Variants in SNX19 observed in about 807,000 individuals in gnomAD.
The protein encoded by SNX19 is sorting nexin 19, also known as sorting nexin-19.
Under a neutral mutation model 85.2 loss-of-function variants are expected in SNX19, and 60 were observed. The ratio of observed to expected loss-of-function variants is 0.70; its 90% CI spans 0.57 to 0.87. The LOEUF is 0.87. SNX19 is among the 40% of genes least tolerant of loss of function. The probability of loss-of-function intolerance (pLI) is 0.00; values close to 1 mark genes in which losing one functional copy is unlikely to be tolerated. For missense variants in SNX19, 1,201 were observed against 1,217.8 expected (o/e 0.99, Z 0.21); for synonymous variants, 520 against 470.0 (o/e 1.11, Z -1.38).
At chr11:130,903,750 C>T (rs201406885) in intron 7 of SNX19, among the ~76,000 whole-genome samples, 9 of 146,676 alleles carry the variant, frequency 6.1e-5, no homozygotes, top group South Asian at 4.4e-4. Context: ...CACACACACA[C>T]GCACTTATTT....
intron 8 of SNX19, among the ~76,000 whole-genome samples, chr11:130,882,511 G>GT (rs1368585256): frequency 6.6e-6 from 1 of 152,234 alleles, no homozygotes; most frequent in African/African-American, 2.4e-5. Flanking sequence ...AGTGTGTAAG[G>GT]TAATAGCAGG....
chr11:130,911,414 G>A (rs1946113608), intron 2 of SNX19: 3 of 1,320,968 alleles, frequency 2.3e-6, no homozygotes, highest in African/African-American at 1.5e-5. Context: ...AAACTAGATG[G>A]GGCTCCAGAA....
At position 130,916,116 on chromosome 11, in the gene SNX19, G is replaced by A; in HGVS notation, c.-177C>T. ...ACTGCAAAGCGACAGCTGCAGCTCC[G>A]CGTCTCCCCATGGCTACCACTAACA... On this transcript the variant is annotated 5_prime_UTR_variant, in exon 1 of 11. Coordinates refer to ENST00000265909, the MANE Select transcript of SNX19 (RefSeq NM_014758.3). 6.6e-6 allele frequency: 4 copies of A among 610,376 alleles called. No homozygotes were observed. Among genetic ancestry groups the A allele is most frequent in the Admixed American group, 3.0e-5 (1 of 33,894 alleles). 37.8% of individuals were successfully genotyped at this position (610,376 alleles called of 1,614,324 possible).
chr11:130,894,811 A>C, intron 8 of SNX19: 1 of 985,418 alleles, frequency 1.0e-6, no homozygotes, highest in Non-Finnish European at 1.2e-6. Flanking sequence ...AGCCTAAACC[A>C]GTCTAAATGA....
At chr11:130,901,498 A>G (rs921991027) in intron 8 of SNX19, among the ~76,000 whole-genome samples, 1 of 152,222 alleles carries the variant, frequency 6.6e-6, no homozygotes, top group Admixed American at 6.5e-5. Flanking sequence ...GAACAGGGAA[A>G]TAACAGGTAG....
rs761051640 is a variant in SNX19 at position 130,880,824 on chromosome 11, C to T, written c.2574-18G>A. 32 of 1,528,214 alleles carry T rather than the reference C, an allele frequency of 2.1e-5. No homozygotes were observed. The highest frequency in any genetic ancestry group is 2.1e-4 in the East Asian group (9 of 43,438). 94.7% of individuals were successfully genotyped at this position (1,528,214 alleles called of 1,614,324 possible). ...CTAGCCACCTGTGGTAGAAGAGAGA[C>T]GAAAGCTTAGATAAAGCTGAAGGAA... On this transcript the variant is annotated intron_variant, in intron 8 of 10. Coordinates refer to ENST00000265909, the MANE Select transcript of SNX19 (RefSeq NM_014758.3).
chr11:130,909,319 CTATTT>C (rs1438459913), intron 4 of SNX19, among the ~76,000 whole-genome samples: 4 of 152,204 alleles, frequency 2.6e-5, no homozygotes, highest in African/African-American at 9.6e-5. Context: ...ACATGAAATT[CTATTT>C]TATTTGTTGC....
rs374141214 is a variant in SNX19 at position 130,914,725 on chromosome 11, T to C, written c.1215A>G (p.Leu405=). The change falls in exon 1 of 11, where the codon CTA becomes CTG. Residue 405 remains leucine, a synonymous_variant. Transcript: ENST00000265909. ...SDRIQDALCA[L]ESSQALEPKD... is the part of the protein sequence containing the mutation. ...TGGGTTCCAGAGCCTGGGAACTCTC[T>C]AGGGCACACAGGGCATCCTGAATCC... 6.3e-5 allele frequency: 101 copies of C among 1,614,094 alleles called. No homozygotes were observed. The African/African-American group carries it at 1.1e-3, about 17-fold the overall frequency.
intron 8 of SNX19, among the ~76,000 whole-genome samples, chr11:130,885,831 T>A (rs1049428856): frequency 2.0e-5 from 3 of 152,224 alleles, no homozygotes; most frequent in African/African-American, 7.2e-5. Context: ...AGTTAAAGCT[T>A]CTATCATCCT....
At position 130,878,102 on chromosome 11, in the gene SNX19, C is replaced by T. The variant is rs1943370702; in HGVS notation, c.*320G>A. On this transcript the variant is annotated 3_prime_UTR_variant, in exon 11 of 11. Coordinates refer to ENST00000265909, the MANE Select transcript of SNX19 (RefSeq NM_014758.3). ...GGGCCAGGATTCTGGCAAACAATCTCAGGGAGGATGGCAAAAGGAGAAGCA... is the reference window on the plus strand; with the variant it reads ...GGGCCAGGATTCTGGCAAACAATCTTAGGGAGGATGGCAAAAGGAGAAGCA... 1 of 204,790 alleles carries T rather than the reference C, an allele frequency of 4.9e-6. No homozygotes were observed. The highest frequency in any genetic ancestry group is 2.3e-5 in the African/African-American group (1 of 44,036). 12.7% of individuals were successfully genotyped at this position (204,790 alleles called of 1,614,324 possible).
chr11:130,909,182 C>T (rs1395128558), intron 4 of SNX19, among the ~76,000 whole-genome samples: 1 of 152,176 alleles, frequency 6.6e-6, no homozygotes, highest in African/African-American at 2.4e-5. Context: ...TGAAAACAGG[C>T]ATCCAGTAAG....
At chr11:130,883,205 T>C (rs1943807486) in intron 8 of SNX19, among the ~76,000 whole-genome samples, 1 of 152,096 alleles carries the variant, frequency 6.6e-6, no homozygotes. Flanking sequence ...TAAATGGAAA[T>C]GTTGGGGAGA....
chr11:130,884,602 T>C (rs1943911370), intron 8 of SNX19, among the ~76,000 whole-genome samples: 1 of 152,144 alleles, frequency 6.6e-6, no homozygotes, highest in African/African-American at 2.4e-5. Context: ...GCATAGTGGC[T>C]CACACCTGTA....
chr11:130,903,195 T>C (rs1262796654), intron 8 of SNX19, 60 bp downstream of exon 8: 3 of 1,605,922 alleles, frequency 1.9e-6, no homozygotes, highest in Non-Finnish European at 2.6e-6. Flanking sequence ...CTATTCAGCA[T>C]CACATCCACC....
At position 130,893,225 on chromosome 11, in the gene SNX19, G is replaced by A. The variant is rs185434843; in HGVS notation, c.2573+10030C>T. Among the ~76,000 whole-genome samples, 276 of 152,264 alleles carry A rather than the reference G, an allele frequency of 1.8e-3. 3 individuals carry two copies. In the Middle Eastern group the frequency reaches 0.027, roughly 15 times the overall value. On this transcript the variant is annotated intron_variant, in intron 8 of 10. Coordinates refer to ENST00000265909, the MANE Select transcript of SNX19 (RefSeq NM_014758.3). ...GATAAGTAATTATGTGCTCGCAGAA[G>A]GGGCTGACCTCCAAATTTCTGCAAA...
In SNX19 at chr11:130,878,573, A is replaced by T. The variant is rs1427235525; in HGVS notation, c.2847-19T>A. The T allele has an allele frequency of 1.2e-6, 2 of 1,611,246 alleles. No homozygotes were observed. The highest frequency in any genetic ancestry group is 1.7e-6 in the Non-Finnish European group (2 of 1,178,700). On this transcript the variant is annotated intron_variant, in intron 10 of 10. Transcript: ENST00000265909. ...CAAATGCCTGAAACGAATGGACAAAAAACTTAGGGTCTGGCTCAATCAGGA... is the reference window on the plus strand; with the variant it reads ...CAAATGCCTGAAACGAATGGACAAATAACTTAGGGTCTGGCTCAATCAGGA...
At position 130,875,146 on chromosome 11, in the gene SNX19, G is replaced by T. The variant is rs538946061; in HGVS notation, c.*3276C>A. Reference sequence around the variant, plus strand: ...CTCAATGAATGAACAAAGAAAATGTGGCATAGCCATACAATGGAATGTTTT... The same window carrying T: ...CTCAATGAATGAACAAAGAAAATGTTGCATAGCCATACAATGGAATGTTTT... On this transcript the variant is annotated 3_prime_UTR_variant, in exon 11 of 11. Transcript: ENST00000265909. Among the ~76,000 whole-genome samples the T allele has an allele frequency of 6.6e-6, 1 of 152,300 alleles. No homozygotes were observed. Among genetic ancestry groups the T allele is most frequent in the South Asian group, 2.1e-4 (1 of 4,828 alleles).
chr11:130,869,529 G>A lies in SNX19; in HGVS notation c.*8893C>T, dbSNP rs186027716. 2.5e-4 allele frequency: 38 copies of A among 152,286 alleles called. No homozygotes were observed. The highest frequency in any genetic ancestry group is 8.7e-4 in the African/African-American group (36 of 41,574). 9.4% of individuals were successfully genotyped at this position (152,286 alleles called of 1,614,324 possible). A position where few individuals can be genotyped will look rare whatever the true frequency, so the allele number is the denominator to read the frequency against. ...TAGGGGCTATTTTATATTTTCCAAT[G>A]TCTGAACTGTTTTTACAACAGATTT... On this transcript the variant is annotated 3_prime_UTR_variant, in exon 11 of 11. Transcript: ENST00000265909.
At position 130,869,858 on chromosome 11, in the gene SNX19, T is replaced by A. The variant is rs1022229188; in HGVS notation, c.*8564A>T. The A allele has an allele frequency of 3.3e-5, 5 of 151,580 alleles. No individual in the cohort carries two copies. Among genetic ancestry groups the A allele is most frequent in the African/African-American group, 1.2e-4 (5 of 41,136 alleles). The allele number at this position is 151,580 out of a possible 1,614,324, so 9.4% of individuals were successfully genotyped here. ...ATTGATTTAACTATCAAAAAGGCAATTAGATTAGTGGGGTAGCCAAGTCAC... is the reference window on the plus strand; with the variant it reads ...ATTGATTTAACTATCAAAAAGGCAAATAGATTAGTGGGGTAGCCAAGTCAC... On this transcript the variant is annotated 3_prime_UTR_variant, in exon 11 of 11. Coordinates refer to ENST00000265909, the MANE Select transcript of SNX19 (RefSeq NM_014758.3).
Sources: gnomAD v4.1 joint callset for allele counts (sites outside exome capture counted in the v4.1 genomes callset) on GRCh38, gnomAD v4.1.1 for gene constraint, MANE v1.5 for transcripts, NCBI Gene and HGNC (gene_info 2026-07-23, HGNC 2026-07-21) for gene names.